The following ARSB variants were observed in gnomAD, a reference collection of about 807,000 sequenced individuals.
ARSB encodes the protein N-acetylgalactosamine-4-sulfatase.
A neutral mutation model predicts 50.9 loss-of-function variants in ARSB; 41 were observed. The ratio of observed to expected loss-of-function variants is 0.81; its 90% CI spans 0.63 to 1.04. The LOEUF is 1.04. Ranked by LOEUF, ARSB falls within the 50% of genes least tolerant of loss-of-function variation. ARSB has a pLI of 0.00. For synonymous variants in ARSB, 269 were observed against 284.8 expected (o/e 0.94, Z 0.56); for missense variants, 672 against 693.3 (o/e 0.97, Z 0.35).
chr5:78,782,114 T>A (rs1748944279), intron 6 of ARSB, 140 bp from the exon 7 acceptor site: 1 of 1,073,484 alleles, frequency 9.3e-7, no homozygotes. Context: ...GAAATGAATC[T>A]TTTATTAAAT....
chr5:78,862,903 T>G (rs1278062280), intron 5 of ARSB, among the ~76,000 whole-genome samples: 4 of 151,980 alleles, frequency 2.6e-5, no homozygotes. Context: ...TTAAACAAAT[T>G]TATAGGAAAA....
At chr5:78,914,015 T>C (rs1018422764) in intron 4 of ARSB, among the ~76,000 whole-genome samples, 1 of 149,398 alleles carries the variant, frequency 6.7e-6, no homozygotes, top group Non-Finnish European at 1.5e-5. Flanking sequence ...CAGGCAGGAG[T>C]GCGGTGGTGC....
chr5:78,798,346 TAG>T (rs1219744241), intron 6 of ARSB, among the ~76,000 whole-genome samples: 5 of 147,242 alleles, frequency 3.4e-5, no homozygotes, highest in African/African-American at 1.3e-4. Context: ...AAGTAATTGG[TAG>T]AGTCTGTCAA....
At chr5:78,851,446 C>G (rs1236610934) in intron 5 of ARSB, among the ~76,000 whole-genome samples, 1 of 152,044 alleles carries the variant, frequency 6.6e-6, no homozygotes, top group Non-Finnish European at 1.5e-5. Flanking sequence ...AATTTCTGTT[C>G]TATTACATTT....
intron 4 of ARSB, among the ~76,000 whole-genome samples, chr5:78,889,056 G>A (rs1296678509): frequency 3.9e-5 from 6 of 152,222 alleles, no homozygotes; most frequent in African/African-American, 1.2e-4. Context: ...GCACCTGGCC[G>A]ATGGTTGCCA....
chr5:78,900,718 T>C (rs1748764022), intron 4 of ARSB, among the ~76,000 whole-genome samples: 1 of 152,130 alleles, frequency 6.6e-6, no homozygotes, highest in Non-Finnish European at 1.5e-5. Context: ...CCTGCATTCC[T>C]TGATTCATGC....
intron 5 of ARSB, among the ~76,000 whole-genome samples, chr5:78,841,994 A>C (rs927831633): frequency 1.3e-4 from 20 of 152,164 alleles, no homozygotes; most frequent in African/African-American, 4.8e-4. Context: ...ACAATGACCA[A>C]ACACCATTAG....
In ARSB at chr5:78,788,770, T is replaced by C. The variant is rs1749165679; in HGVS notation, c.1214-6796A>G. 2.0e-5 allele frequency among the ~76,000 whole-genome samples: 3 copies of C among 152,188 alleles called. No homozygotes were observed. In the South Asian group the frequency reaches 6.2e-4, roughly 32 times the overall value. ...CATGTGCTACCATACCTAGCTAATT[T>C]TAAAAAAATTAGAAAAAAAATTTTT... On this transcript the variant is annotated intron_variant, in intron 6 of 7. Transcript: ENST00000264914.
intron 6 of ARSB, among the ~76,000 whole-genome samples, chr5:78,814,940 A>G (rs1004467904): frequency 2.7e-5 from 4 of 150,654 alleles, no homozygotes; most frequent in Admixed American, 6.6e-5. Context: ...AAGGACTAAG[A>G]GAGTGCTATG....
chr5:78,913,772 G>GA (rs143855549), intron 4 of ARSB, among the ~76,000 whole-genome samples: 1 of 151,706 alleles, frequency 6.6e-6, no homozygotes, highest in Admixed American at 6.6e-5. Context: ...TCAGCTGGGG[G>GA]AAAAAAAATT....
At chr5:78,939,504 T>A (rs1437649798) in intron 4 of ARSB, among the ~76,000 whole-genome samples, 1 of 152,122 alleles carries the variant, frequency 6.6e-6, no homozygotes, top group South Asian at 2.1e-4. Flanking sequence ...CATTGTTCAA[T>A]TCCCACCTAT....
At chr5:78,868,159 A>G (rs1380584844) in intron 5 of ARSB, among the ~76,000 whole-genome samples, 2 of 141,230 alleles carry the variant, frequency 1.4e-5, no homozygotes, top group Admixed American at 7.3e-5. Context: ...ATATGGGACT[A>G]TGTGAAAAGA....
At chr5:78,816,781 AG>A (rs939979736) in intron 6 of ARSB, among the ~76,000 whole-genome samples, 1 of 152,208 alleles carries the variant, frequency 6.6e-6, no homozygotes, top group African/African-American at 2.4e-5. Flanking sequence ...TGAGAAGCTG[AG>A]GGTAGTCCTT....
intron 6 of ARSB, among the ~76,000 whole-genome samples, chr5:78,828,909 A>T (rs1339448465): frequency 6.6e-6 from 1 of 152,250 alleles, no homozygotes; most frequent in Non-Finnish European, 1.5e-5. Context: ...ATGTTATCAC[A>T]AGAGTCCAGA....
At chr5:78,853,687 C>T (rs62377546) in intron 5 of ARSB, among the ~76,000 whole-genome samples, 19,029 of 152,254 alleles carry the variant, frequency 0.12, 1,404 homozygotes, top group Middle Eastern at 0.21. Flanking sequence ...GCAGGCAGGC[C>T]TCCTTGAGCT....
chr5:78,978,452 TC>T (rs1340065529), intron 1 of ARSB, among the ~76,000 whole-genome samples: 1 of 152,008 alleles, frequency 6.6e-6, no homozygotes, highest in East Asian at 1.9e-4. Context: ...ATCACTGAAA[TC>T]CCTGTCTACC....
chr5:78,865,077 G>A (rs1436689181), intron 5 of ARSB, among the ~76,000 whole-genome samples: 2 of 151,592 alleles, frequency 1.3e-5, no homozygotes, highest in African/African-American at 2.4e-5. Context: ...TCTGGGGTCT[G>A]GAGGATAGTG....
intron 2 of ARSB, among the ~76,000 whole-genome samples, chr5:78,966,874 A>C (rs1752228118): frequency 6.6e-6 from 1 of 151,816 alleles, no homozygotes; most frequent in Admixed American, 6.6e-5. Flanking sequence ...ATCTTACATC[A>C]AGTCTAATTT....
chr5:78,836,351 G>A (rs914628195), intron 6 of ARSB, among the ~76,000 whole-genome samples: 7 of 152,210 alleles, frequency 4.6e-5, no homozygotes, highest in Admixed American at 1.3e-4. Flanking sequence ...CCTTGCAAGA[G>A]CTGACAATGT....
Sources: allele counts gnomAD v4.1 joint callset (sites outside exome capture counted in the v4.1 genomes callset), GRCh38; gene constraint gnomAD v4.1.1; transcripts MANE v1.5; gene names NCBI Gene and HGNC (gene_info 2026-07-23, HGNC 2026-07-21).